The following ZBTB20 variants were observed in gnomAD, a reference collection of about 807,000 sequenced individuals.
ZBTB20 encodes the protein zinc finger and BTB domain containing 20.
A neutral mutation model predicts 56.9 loss-of-function variants in ZBTB20; 9 were observed. The ratio of observed to expected loss-of-function variants is 0.16; its 90% CI spans 0.10 to 0.28. The LOEUF (loss-of-function observed/expected upper bound fraction) is 0.28. Ranked by LOEUF, ZBTB20 falls within the 10% of genes least tolerant of loss-of-function variation. ZBTB20 has a pLI of 1.00. For synonymous variants in ZBTB20, 417 were observed against 420.7 expected, an observed-to-expected ratio of 0.99 and a Z score of 0.11; for missense variants, 655 against 1,003.0, an observed-to-expected ratio of 0.65 and a Z score of 4.69.
intron 3 of ZBTB20, among the ~76,000 whole-genome samples, chr3:114,917,897 A>G (rs958498802): frequency 1.8e-4 from 26 of 146,758 alleles, no homozygotes; most frequent in African/African-American, 6.3e-4. Context: ...GCCTACATTC[A>G]CTCAAGGCCC....
At chr3:114,815,294 TCGTGACTATGACA>T (rs2072836743) in intron 4 of ZBTB20, among the ~76,000 whole-genome samples, 1 of 152,184 alleles carries the variant, frequency 6.6e-6, no homozygotes, top group Non-Finnish European at 1.5e-5. Flanking sequence ...CATTAACTTT[TCGTGACTATGACA>T]TGAATACATG....
At chr3:114,475,355 C>T (rs958766172) in intron 7 of ZBTB20, among the ~76,000 whole-genome samples, 5 of 152,106 alleles carry the variant, frequency 3.3e-5, no homozygotes, top group Admixed American at 6.5e-5. Context: ...TCACTTTTCA[C>T]TATTAATTCT....
intron 1 of ZBTB20, among the ~76,000 whole-genome samples, chr3:115,129,993 A>AT (rs1218489743): frequency 4.6e-5 from 7 of 150,668 alleles, no homozygotes; most frequent in African/African-American, 1.7e-4. Flanking sequence ...TATATATATA[A>AT]ATGTCCATTA....
intron 1 of ZBTB20, among the ~76,000 whole-genome samples, chr3:115,137,936 A>G (rs191661414): frequency 3.9e-5 from 6 of 152,190 alleles, no homozygotes; most frequent in Admixed American, 2.0e-4. Flanking sequence ...CTAGGTTAGG[A>G]CTGATGATCA....
At chr3:115,031,380 TG>T (rs1393522623) in intron 2 of ZBTB20, among the ~76,000 whole-genome samples, 5 of 151,520 alleles carry the variant, frequency 3.3e-5, no homozygotes, top group African/African-American at 7.2e-5. Context: ...GAACTTATGA[TG>T]TTTTTTATTA....
intron 4 of ZBTB20, among the ~76,000 whole-genome samples, chr3:114,851,864 T>C (rs1370400441): frequency 2.6e-5 from 4 of 152,168 alleles, no homozygotes; most frequent in African/African-American, 9.6e-5. Context: ...TTCTGTAAAT[T>C]CTGTAATGCC....
chr3:114,565,997 A>AT lies in ZBTB20; in HGVS notation c.-294-65607dup, dbSNP rs1255953594. On this transcript the variant is annotated intron_variant, in intron 6 of 11. Transcript: ENST00000675478. The stretch of plus-strand genomic sequence containing the variant: ...AGAAGTAATTACCAACAATACATAC[A>AT]TTTTTTCTTTTTTTTTCTTTTTTTA... 1.3e-4 allele frequency among the ~76,000 whole-genome samples: 18 copies of AT among 143,864 alleles called. No individual in the cohort carries two copies. The Middle Eastern group carries it at 0.01, about 84-fold the overall frequency. 94.4% of individuals were successfully genotyped at this position (143,864 alleles called of 152,430 possible).
In ZBTB20 at chr3:115,115,033, T is replaced by C. The variant is rs1302553752; in HGVS notation, c.-703+32186A>G. Among the ~76,000 whole-genome samples, 5 of 152,130 alleles carry C rather than the reference T, an allele frequency of 3.3e-5. No homozygotes were observed. In the East Asian group the frequency reaches 9.6e-4, roughly 29 times the overall value. On this transcript the variant is annotated intron_variant, in intron 1 of 11. Transcript: ENST00000675478. ...ATTCATGGCCCATTCTCCATCTTAT[T>C]ACAAAGTATCATAAAGATTCCACTA... is the stretch of plus-strand genomic sequence containing the variant.
intron 3 of ZBTB20, chr3:114,930,534 A>C (rs554112815): frequency 6.4e-6 from 1 of 155,278 alleles, no homozygotes; most frequent in South Asian, 1.9e-4. Flanking sequence ...CCAGCAGGTC[A>C]CCATCACAGC....
intron 4 of ZBTB20, among the ~76,000 whole-genome samples, chr3:114,884,224 C>T (rs62264997): frequency 0.011 from 1,715 of 152,114 alleles, 11 homozygotes; most frequent in Middle Eastern, 0.044. Flanking sequence ...CGCGCCCGGC[C>T]GGTGTGTTCT....
intron 6 of ZBTB20, among the ~76,000 whole-genome samples, chr3:114,690,091 T>C (rs2062608903): frequency 6.6e-6 from 1 of 152,196 alleles, no homozygotes; most frequent in Non-Finnish European, 1.5e-5. Context: ...TTGCTCAGGA[T>C]AGTTTATTGC....
At chr3:114,826,666 C>A (rs1455127268) in intron 4 of ZBTB20, among the ~76,000 whole-genome samples, 1 of 151,520 alleles carries the variant, frequency 6.6e-6, no homozygotes, top group East Asian at 1.9e-4. Flanking sequence ...CACAGTGTTT[C>A]AAGAATTAAT....
intron 6 of ZBTB20, among the ~76,000 whole-genome samples, chr3:114,632,933 C>G (rs1472391119): frequency 6.6e-6 from 1 of 152,188 alleles, no homozygotes. Context: ...CCTGTTTAAA[C>G]ATTCAACTGT....
rs145903258 is a variant in ZBTB20 at position 114,897,290 on chromosome 3, T to G, written c.-417+3014A>C. On this transcript the variant is annotated intron_variant, in intron 4 of 11. Transcript: ENST00000675478. ...GCCTGTATCCTCTTGAGAACAAAGA[T>G]TTTGTTGTATTCATCTAGCCTAGCA... 2.0e-3 allele frequency among the ~76,000 whole-genome samples: 300 copies of G among 152,206 alleles called. 1 individual carries two copies. The highest frequency in any genetic ancestry group is 6.3e-3 in the African/African-American group (261 of 41,564).
intron 1 of ZBTB20, among the ~76,000 whole-genome samples, chr3:115,081,548 G>A (rs975793404): frequency 6.6e-6 from 1 of 152,036 alleles, no homozygotes; most frequent in African/African-American, 2.4e-5. Context: ...GCCCTTAATA[G>A]ATATTTAGAT....
rs1433434685 is a variant in ZBTB20 at position 114,787,368 on chromosome 3, T to TATATACACATAC, written c.-343+13732_-343+13733insGTATGTGTATAT. 3.8e-3 allele frequency among the ~76,000 whole-genome samples: 409 copies of TATATACACATAC among 106,268 alleles called. 12 individuals are homozygous for TATATACACATAC. Among genetic ancestry groups the TATATACACATAC allele is most frequent in the African/African-American group, 0.015 (322 of 22,022 alleles). 69.7% of individuals were successfully genotyped at this position (106,268 alleles called of 152,430 possible). A position where few individuals can be genotyped will look rare whatever the true frequency, so the allele number is the denominator to read the frequency against. On this transcript the variant is annotated intron_variant, in intron 5 of 11. Coordinates refer to ENST00000675478, the MANE Select transcript of ZBTB20 (RefSeq NM_001348800.3). Reference sequence around the variant, plus strand: ...ATATATATATATATATATATATATATACACACACACACACACACACACACA... The same window carrying TATATACACATAC: ...ATATATATATATATATATATATATATATATACACATACACACACACACACACACACACACACA...
At chr3:114,928,516 G>A (rs2076241430) in intron 3 of ZBTB20, among the ~76,000 whole-genome samples, 1 of 152,054 alleles carries the variant, frequency 6.6e-6, no homozygotes, top group Non-Finnish European at 1.5e-5. Flanking sequence ...AATAAATTTG[G>A]CAAATTCCTC....
At chr3:114,975,284 T>A (rs1315676304) in intron 2 of ZBTB20, among the ~76,000 whole-genome samples, 1 of 152,152 alleles carries the variant, frequency 6.6e-6, no homozygotes, top group Admixed American at 6.5e-5. Flanking sequence ...TGCTATGAAA[T>A]CTCAATGATG....
chr3:115,006,460 G>GATATATATAT (rs142153634), intron 2 of ZBTB20, among the ~76,000 whole-genome samples: 29 of 144,380 alleles, frequency 2.0e-4, no homozygotes, highest in African/African-American at 7.4e-4. Flanking sequence ...TATCCAGTTG[G>GATATATATAT]ATATATATAT....
Sources: allele counts gnomAD v4.1 joint callset (sites outside exome capture counted in the v4.1 genomes callset), GRCh38; gene constraint gnomAD v4.1.1; transcripts MANE v1.5; gene names NCBI Gene and HGNC (gene_info 2026-07-23, HGNC 2026-07-21).